CGNL1: variants seen among roughly 807,000 people sequenced by gnomAD.
CGNL1 encodes the protein cingulin-like protein 1.
A neutral mutation model predicts 141.2 loss-of-function variants in CGNL1; 132 were observed. The ratio of observed to expected loss-of-function variants is 0.93; its 90% CI spans 0.81 to 1.08. CGNL1 has a LOEUF of 1.08. Among genes scored for constraint, CGNL1 ranks in the 50% least tolerant of loss-of-function variants. The pLI, the probability that CGNL1 is intolerant of heterozygous loss-of-function variation, is 0.00. For missense variants in CGNL1, 1,870 were observed against 1,588.6 expected (o/e 1.18, Z -3.01); for synonymous variants, 690 against 622.1 (o/e 1.11, Z -1.63).
intron 4 of CGNL1, 130 bp from the exon 5 acceptor site, chr15:57,451,370 T>C: frequency 1.6e-6 from 1 of 639,838 alleles, no homozygotes; most frequent in Non-Finnish European, 2.7e-6. Flanking sequence ...GGTTGATGTT[T>C]GAATTGGGTC....
chr15:57,539,720 AG>A (rs1391169741), intron 14 of CGNL1, among the ~76,000 whole-genome samples: 2 of 152,198 alleles, frequency 1.3e-5, no homozygotes, highest in Non-Finnish European at 2.9e-5. Context: ...CTTTTGGGAT[AG>A]ATCCTGGATT....
chr15:57,442,467 G>A lies in CGNL1; in HGVS notation c.1792G>A (p.Gly598Arg). The A allele has an allele frequency of 6.2e-7, 1 of 1,605,688 alleles. No individual in the cohort carries two copies. The highest frequency in any genetic ancestry group is 8.5e-7 in the Non-Finnish European group (1 of 1,172,652). The change falls in exon 4 of 19, where the codon GGA becomes AGA. Residue 598 changes from glycine (G) to arginine (R), a missense_variant. Transcript: ENST00000281282. ...GTCTCGAGCAGCTGGGAGCGCCCAA[G>A]GAAATAACCAAGTAAATGGAAGTTT... ...LKSRAAGSAQ[G>R]NNQACNSTSE...
At chr15:57,499,238 C>CTTTTTTTTTTTTTTTTTTTTT (rs201081475) in intron 8 of CGNL1, among the ~76,000 whole-genome samples, 1 of 91,846 alleles carries the variant, frequency 1.1e-5, no homozygotes, top group African/African-American at 5.0e-5. Context: ...AAGTTAATGG[C>CTTTTTTTTTTTTTTTTTTTTT]TTTTTTTTTT....
intron 1 of CGNL1, among the ~76,000 whole-genome samples, chr15:57,417,762 T>A (rs1216950032): frequency 6.6e-6 from 1 of 152,128 alleles, no homozygotes; most frequent in African/African-American, 2.4e-5. Flanking sequence ...TTCTCATGGA[T>A]GTTACAGATG....
intron 1 of CGNL1, among the ~76,000 whole-genome samples, chr15:57,379,535 C>G (rs1449574156): frequency 6.6e-6 from 1 of 152,156 alleles, no homozygotes; most frequent in Non-Finnish European, 1.5e-5. Flanking sequence ...TAATGGCCTC[C>G]TAACTCTCTT....
At chr15:57,479,845 A>C (rs1329524942) in intron 8 of CGNL1, among the ~76,000 whole-genome samples, 1 of 152,138 alleles carries the variant, frequency 6.6e-6, no homozygotes, top group African/African-American at 2.4e-5. Flanking sequence ...TGTGGAGAGG[A>C]AGCAGGGAAG....
At chr15:57,442,182 GAAAAAAAAAA>G (rs61564944) in intron 3 of CGNL1, among the ~76,000 whole-genome samples, 181 bp from the exon 4 acceptor site, 1 of 96,528 alleles carries the variant, frequency 1.0e-5, no homozygotes, top group African/African-American at 4.3e-5. Context: ...TCATTTATTT[GAAAAAAAAAA>G]AAAAAAAAAA....
At chr15:57,473,091 A>T (rs529565989) in intron 8 of CGNL1, among the ~76,000 whole-genome samples, 1 of 152,294 alleles carries the variant, frequency 6.6e-6, no homozygotes, top group African/African-American at 2.4e-5. Context: ...AGATGTGGAT[A>T]TGGTCAAGCC....
At chr15:57,522,036 C>T (rs73423541) in intron 10 of CGNL1, among the ~76,000 whole-genome samples, 4,725 of 152,284 alleles carry the variant, frequency 0.031, 248 homozygotes, top group African/African-American at 0.11. Context: ...GCTAAATCAT[C>T]GATCAACAGA....
intron 10 of CGNL1, among the ~76,000 whole-genome samples, chr15:57,520,965 G>T (rs1299154564): frequency 6.6e-6 from 1 of 152,074 alleles, no homozygotes; most frequent in African/African-American, 2.4e-5. Context: ...GACAGATAAT[G>T]GTCCCTGAGC....
chr15:57,399,394 T>C (rs1040380404), intron 1 of CGNL1, among the ~76,000 whole-genome samples: 1 of 152,224 alleles, frequency 6.6e-6, no homozygotes, highest in South Asian at 2.1e-4. Context: ...CAAATTCTAA[T>C]TGTAGTCCAT....
In CGNL1 at chr15:57,453,783, C is replaced by T. The variant is rs1245094955; in HGVS notation, c.2155C>T (p.Arg719Ter). 5.0e-6 allele frequency: 8 copies of T among 1,613,682 alleles called. No individual in the cohort carries two copies. Among genetic ancestry groups the T allele is most frequent in the Middle Eastern group, 1.7e-4 (1 of 6,054 alleles). ...GCACGATGAACTGGACAGTGCAAAG[C>T]GATCGGAGGACAGGGAGAAGGGAGC... ...EMHDELDSAKRSEDREKGALI... is the reference protein window; with the variant it reads ...EMHDELDSAK The change falls in exon 7 of 19, where the codon CGA (arginine) becomes TGA (stop). Residue 719 changes from arginine to a stop codon, truncating the protein, a stop_gained. Transcript: ENST00000281282. LOFTEE classifies it high-confidence loss of function.
chr15:57,528,438 A>T (rs2031749874), intron 12 of CGNL1, among the ~76,000 whole-genome samples: 1 of 152,180 alleles, frequency 6.6e-6, no homozygotes, highest in African/African-American at 2.4e-5. Flanking sequence ...TTTGTAACCT[A>T]ATAGGTTGCT....
chr15:57,525,888 TA>T (rs34635621), intron 12 of CGNL1, among the ~76,000 whole-genome samples: 4,059 of 143,976 alleles, frequency 0.028, 95 homozygotes, highest in African/African-American at 0.061. Context: ...TCTTTGGTAT[TA>T]AAAAAAAAAA....
At chr15:57,493,261 C>G (rs1160145134) in intron 8 of CGNL1, among the ~76,000 whole-genome samples, 1 of 152,150 alleles carries the variant, frequency 6.6e-6, no homozygotes, top group African/African-American at 2.4e-5. Context: ...CCTTACAAGT[C>G]TGCAGTCATT....
intron 10 of CGNL1, among the ~76,000 whole-genome samples, chr15:57,519,465 G>T (rs1164214065): frequency 1.3e-5 from 2 of 152,148 alleles, no homozygotes; most frequent in Non-Finnish European, 2.9e-5. Flanking sequence ...GATTCCCACA[G>T]GTCAGCCTAG....
intron 14 of CGNL1, among the ~76,000 whole-genome samples, chr15:57,538,642 CAA>C (rs1217967890): frequency 6.6e-6 from 1 of 152,164 alleles, no homozygotes; most frequent in African/African-American, 2.4e-5. Context: ...ACTGAGGGTG[CAA>C]GACTGTGGCC....
intron 2 of CGNL1, 24 bp downstream of exon 2, chr15:57,439,625 T>C (rs1223663700): frequency 6.3e-7 from 1 of 1,599,474 alleles, no homozygotes; most frequent in Non-Finnish European, 8.5e-7. Flanking sequence ...GATTCCTGTT[T>C]GGTTTTTTTT....
chr15:57,541,240 T>C (rs532216755), intron 14 of CGNL1, among the ~76,000 whole-genome samples: 26 of 152,336 alleles, frequency 1.7e-4, no homozygotes, highest in Non-Finnish European at 2.8e-4. Flanking sequence ...TTGTTTCCCA[T>C]TGCAGTGGAA....
Sources: gnomAD v4.1 joint callset for allele counts (sites outside exome capture counted in the v4.1 genomes callset) on GRCh38, gnomAD v4.1.1 for gene constraint, MANE v1.5 for transcripts, NCBI Gene and HGNC (gene_info 2026-07-23, HGNC 2026-07-21) for gene names.